Variants in CAPSL observed in about 807,000 individuals in gnomAD.
CAPSL encodes calcyphosine like.
CAPSL carries 17 observed loss-of-function variants against 21.3 expected under a neutral mutation model. The observed-to-expected ratio is 0.80, with a 90% CI of 0.55 to 1.20. CAPSL has a LOEUF of 1.20. Ranked by LOEUF, CAPSL falls within the 50% of genes most tolerant of loss-of-function variation. The pLI, the probability that CAPSL is intolerant of heterozygous loss-of-function variation, is 0.00. For missense variants in CAPSL, 289 were observed against 259.3 expected (o/e 1.11, Z -0.79); for synonymous variants, 102 against 89.3 (o/e 1.14, Z -0.80).
chr5:35,923,448 C>T (rs1333844571), intron 1 of CAPSL, among the ~76,000 whole-genome samples: 1 of 152,110 alleles, frequency 6.6e-6, no homozygotes, highest in Non-Finnish European at 1.5e-5. Flanking sequence ...GCACATATAC[C>T]CATGTTTATA....
At chr5:35,925,913 C>G (rs1738662337) in intron 1 of CAPSL, among the ~76,000 whole-genome samples, 1 of 151,740 alleles carries the variant, frequency 6.6e-6, no homozygotes, top group African/African-American at 2.4e-5. Flanking sequence ...TCCGTCTCTA[C>G]CAATATACAA....
intron 1 of CAPSL, among the ~76,000 whole-genome samples, chr5:35,933,902 A>T (rs1316430726): frequency 1.3e-5 from 2 of 152,250 alleles, no homozygotes; most frequent in South Asian, 2.1e-4. Flanking sequence ...TGGCAATGGA[A>T]TTATGGCTAA....
At chr5:35,913,894 G>A (rs7719334) in intron 2 of CAPSL, among the ~76,000 whole-genome samples, 65,648 of 151,958 alleles carry the variant, frequency 0.43, 14,857 homozygotes, top group African/African-American at 0.54. Context: ...AAATGCTCCA[G>A]TTAAAAGACA....
At chr5:35,929,216 C>T (rs1738758543) in intron 1 of CAPSL, among the ~76,000 whole-genome samples, 2 of 151,772 alleles carry the variant, frequency 1.3e-5, no homozygotes, top group African/African-American at 4.8e-5. Context: ...ACCTGAAGAA[C>T]CCAGGTTACT....
At chr5:35,904,798 G>C in intron 4 of CAPSL, 152 bp from the exon 5 acceptor site, 1 of 1,200,068 alleles carries the variant, frequency 8.3e-7, no homozygotes, top group East Asian at 2.7e-5. Context: ...AAAAGAACAA[G>C]TGAAGCTGAG....
chr5:35,917,978 G>A (rs1187841793), intron 2 of CAPSL, among the ~76,000 whole-genome samples: 3 of 152,152 alleles, frequency 2.0e-5, no homozygotes, highest in African/African-American at 7.2e-5. Context: ...AGAGGATGTG[G>A]AGAAATAGGA....
intron 1 of CAPSL, among the ~76,000 whole-genome samples, chr5:35,929,669 G>C (rs1335006980): frequency 2.6e-5 from 4 of 152,186 alleles, no homozygotes; most frequent in African/African-American, 9.7e-5. Context: ...TGGGGACTCA[G>C]AGAAGGTCCA....
At chr5:35,912,965 A>C (rs116695476) in intron 2 of CAPSL, among the ~76,000 whole-genome samples, 18,451 of 152,216 alleles carry the variant, frequency 0.12, 1,456 homozygotes, top group Non-Finnish European at 0.18. Context: ...CTTGAAAAAA[A>C]AATTAGATGA....
chr5:35,932,244 T>A (rs748546006), intron 1 of CAPSL, among the ~76,000 whole-genome samples: 14 of 152,138 alleles, frequency 9.2e-5, no homozygotes, highest in Admixed American at 2.0e-4. Flanking sequence ...TAGAAACAGG[T>A]CATATCTCTG....
chr5:35,923,510 A>G (rs113137269), intron 1 of CAPSL, among the ~76,000 whole-genome samples: 1 of 152,242 alleles, frequency 6.6e-6, no homozygotes, highest in Non-Finnish European at 1.5e-5. Context: ...ATGTCCACCT[A>G]TGGATAAAGG....
intron 1 of CAPSL, among the ~76,000 whole-genome samples, chr5:35,923,999 T>C (rs754046361): frequency 6.7e-6 from 1 of 150,010 alleles, no homozygotes; most frequent in Non-Finnish European, 1.5e-5. Context: ...AGTAAATACA[T>C]ACAACTTTAT....
At chr5:35,937,950 C>G (rs949252383) in intron 1 of CAPSL, among the ~76,000 whole-genome samples, 1 of 151,844 alleles carries the variant, frequency 6.6e-6, no homozygotes, top group Non-Finnish European at 1.5e-5. Flanking sequence ...TTAATGAGAA[C>G]GTAAAGGACC....
chr5:35,919,807 C>T (rs1028888277), intron 2 of CAPSL, among the ~76,000 whole-genome samples: 2 of 152,104 alleles, frequency 1.3e-5, no homozygotes, highest in African/African-American at 4.8e-5. Context: ...GAACGGTGTC[C>T]ATTGACTGTA....
chr5:35,927,645 G>T (rs189282281), intron 1 of CAPSL, among the ~76,000 whole-genome samples: 1 of 152,328 alleles, frequency 6.6e-6, no homozygotes, highest in Non-Finnish European at 1.5e-5. Flanking sequence ...GGAACTTGAT[G>T]TGGCTTTTGC....
chr5:35,931,897 G>T (rs1738835606), intron 1 of CAPSL, among the ~76,000 whole-genome samples: 1 of 152,120 alleles, frequency 6.6e-6, no homozygotes, highest in Admixed American at 6.5e-5. Flanking sequence ...CCACTGCAAG[G>T]ACAAAGCCCA....
chr5:35,926,359 G>A (rs574833206), intron 1 of CAPSL, among the ~76,000 whole-genome samples: 1 of 152,290 alleles, frequency 6.6e-6, no homozygotes, highest in South Asian at 2.1e-4. Flanking sequence ...ATTCACAGAA[G>A]CCTGGAGATT....
rs76940881 is a variant in CAPSL at position 35,921,174 on chromosome 5, G to C, written c.1-54C>G. On this transcript the variant is annotated intron_variant, in intron 1 of 4. Transcript: ENST00000651391. The stretch of plus-strand genomic sequence containing the variant: ...AGTCCAGGCCTCGCCGCTGCCTCTG[G>C]CTGGGCAGAGTGACAGAAGCCTCAC... 2.1e-3 allele frequency: 3,323 copies of C among 1,584,924 alleles called. 70 individuals are homozygous for C. In the African/African-American group the frequency reaches 0.04, roughly 19 times the overall value.
At chr5:35,917,898 C>T (rs186331449) in intron 2 of CAPSL, among the ~76,000 whole-genome samples, 36 of 152,094 alleles carry the variant, frequency 2.4e-4, no homozygotes, top group African/African-American at 8.7e-4. Flanking sequence ...AGCTTATCGT[C>T]ATTAGAGAAA....
chr5:35,919,192 A>ATATATATATATATATATATATATATGT (rs1561439742), intron 2 of CAPSL, among the ~76,000 whole-genome samples: 1 of 108,232 alleles, frequency 9.2e-6, no homozygotes, highest in African/African-American at 3.2e-5. Context: ...TATATATATA[A>ATATATATATATATATATATATATATGT]AAATTGTGAA....
Sources: allele counts gnomAD v4.1 joint callset (sites outside exome capture counted in the v4.1 genomes callset), GRCh38; gene constraint gnomAD v4.1.1; transcripts MANE v1.5; gene names NCBI Gene and HGNC (gene_info 2026-07-23, HGNC 2026-07-21).